The following HADHA variants were observed in gnomAD, a reference collection of about 807,000 sequenced individuals.
HADHA encodes hydroxyacyl-CoA dehydrogenase trifunctional multienzyme complex subunit alpha, also known as trifunctional enzyme subunit alpha, mitochondrial.
Under a neutral mutation model 91.3 loss-of-function variants are expected in HADHA, and 59 were observed. The observed-to-expected ratio is 0.65, with a 90% CI of 0.52 to 0.80. The LOEUF is 0.80. Among genes scored for constraint, HADHA ranks in the 30% least tolerant of loss-of-function variants. The probability of loss-of-function intolerance (pLI) is 0.00; values close to 1 mark genes in which losing one functional copy is unlikely to be tolerated. For missense variants in HADHA, 800 were observed against 927.6 expected, an observed-to-expected ratio of 0.86 and a Z score of 1.79; for synonymous variants, 320 against 338.9, an observed-to-expected ratio of 0.94 and a Z score of 0.61.
rs371718744 is a variant in HADHA at position 26,214,419 on chromosome 2, G to A, written c.918+24C>T. 9.5e-7 allele frequency: 1 copy of A among 1,047,882 alleles called. No homozygotes were observed. The highest frequency in any genetic ancestry group is 1.7e-5 in the Admixed American group (1 of 59,386). 64.9% of individuals were successfully genotyped at this position (1,047,882 alleles called of 1,614,324 possible). A position where few individuals can be genotyped will look rare whatever the true frequency, so the allele number is the denominator to read the frequency against. ...TATAAAGGAAGGAAATATGAGAAAA[G>A]TGGGAATATTGGGTAAGACTCACAT... On this transcript the variant is annotated intron_variant, in intron 9 of 19. Transcript: ENST00000380649. The surrounding 1 kb of genome is among the most constrained non-coding windows in gnomAD (Gnocchi z 4.1).
chr2:26,234,689 C>T (rs538750629), intron 4 of HADHA, among the ~76,000 whole-genome samples: 69 of 151,404 alleles, frequency 4.6e-4, no homozygotes, highest in African/African-American at 1.5e-3. Context: ...CAGTGTGAAA[C>T]CGGGAGGTGG....
intron 12 of HADHA, among the ~76,000 whole-genome samples, chr2:26,201,894 C>T (rs1669853155): frequency 6.6e-6 from 1 of 151,490 alleles, no homozygotes. Context: ...CTCCTGGGTT[C>T]AAGCAATTCT....
At chr2:26,200,153 A>G (rs770952923) in intron 13 of HADHA, among the ~76,000 whole-genome samples, 23 of 152,002 alleles carry the variant, frequency 1.5e-4, no homozygotes, top group Non-Finnish European at 2.5e-4. Flanking sequence ...TTGTTTGTTT[A>G]TTTATTTATT....
chr2:26,192,169 G>C (rs1244827087), intron 18 of HADHA, 141 bp downstream of exon 18: 2 of 637,462 alleles, frequency 3.1e-6, no homozygotes, highest in Non-Finnish European at 5.6e-6. Context: ...ACCATGGCAC[G>C]TGTATACCTA....
intron 4 of HADHA, among the ~76,000 whole-genome samples, chr2:26,236,598 G>A (rs1328436237): frequency 6.6e-6 from 1 of 151,400 alleles, no homozygotes; most frequent in South Asian, 2.1e-4. Context: ...TATTTTTAGT[G>A]GAGACAGGGT....
chr2:26,213,238 T>G (rs777743930), intron 9 of HADHA, among the ~76,000 whole-genome samples: 4 of 152,240 alleles, frequency 2.6e-5, no homozygotes, highest in Non-Finnish European at 4.4e-5. Flanking sequence ...GCAAGCCTGT[T>G]GCTGCTTTCC....
chr2:26,203,217 T>C (rs1353382142), intron 12 of HADHA, among the ~76,000 whole-genome samples: 2 of 152,254 alleles, frequency 1.3e-5, no homozygotes, highest in African/African-American at 4.8e-5. Flanking sequence ...CAGCAATATG[T>C]GAGCTTCTCT....
chr2:26,213,211 C>T (rs1337813669), intron 9 of HADHA, among the ~76,000 whole-genome samples: 3 of 152,208 alleles, frequency 2.0e-5, no homozygotes, highest in Non-Finnish European at 4.4e-5. Context: ...CTGAACCTAA[C>T]TCATAACCTC....
chr2:26,203,072 T>C (rs1479643960), intron 12 of HADHA, among the ~76,000 whole-genome samples: 3 of 152,342 alleles, frequency 2.0e-5, no homozygotes, highest in East Asian at 1.9e-4. Flanking sequence ...TTTGGGATGC[T>C]TGCATGCTAG....
chr2:26,193,293 C>CTTTTTTTT (rs370942158), intron 17 of HADHA, among the ~76,000 whole-genome samples: 1 of 115,166 alleles, frequency 8.7e-6, no homozygotes, highest in Non-Finnish European at 1.7e-5. Flanking sequence ...CACATGACAT[C>CTTTTTTTT]TTTTTTTTTT....
chr2:26,208,284 CTT>C (rs980084083), intron 11 of HADHA, among the ~76,000 whole-genome samples: 23 of 152,158 alleles, frequency 1.5e-4, no homozygotes, highest in African/African-American at 5.3e-4. Context: ...CTCATTTTCT[CTT>C]TTTTTCTTAT....
At chr2:26,212,742 C>T in intron 9 of HADHA, 116 bp from the exon 10 acceptor site, 2 of 776,880 alleles carry the variant, frequency 2.6e-6, no homozygotes, top group Non-Finnish European at 4.7e-6. Context: ...AAAGTCTAGA[C>T]TGGAATGAGA....
intron 14 of HADHA, among the ~76,000 whole-genome samples, chr2:26,197,238 T>C (rs1669699955): frequency 6.6e-6 from 1 of 152,184 alleles, no homozygotes; most frequent in African/African-American, 2.4e-5. Context: ...AAAGTGCTTC[T>C]ATACCCAGCC....
chr2:26,227,143 G>A (rs1395117239), intron 7 of HADHA, among the ~76,000 whole-genome samples: 1 of 152,164 alleles, frequency 6.6e-6, no homozygotes, highest in Non-Finnish European at 1.5e-5. Flanking sequence ...TTGAACAGAT[G>A]CTTCTTTATC....
intron 6 of HADHA, among the ~76,000 whole-genome samples, chr2:26,231,167 T>G (rs1574623549): frequency 1.3e-5 from 2 of 152,224 alleles, no homozygotes; most frequent in Admixed American, 6.5e-5. Context: ...TGCATATTCA[T>G]TCTTTCAATA....
intron 1 of HADHA, among the ~76,000 whole-genome samples, chr2:26,242,552 C>CCAGG (rs35388782): frequency 0.6 from 91,384 of 151,622 alleles, 29,168 homozygotes; most frequent in Non-Finnish European, 0.72. Flanking sequence ...CGTATTTCTT[C>CCAGG]CAGGCTGGAG....
chr2:26,235,690 G>A (rs559842306), intron 4 of HADHA, among the ~76,000 whole-genome samples: 1 of 152,246 alleles, frequency 6.6e-6, no homozygotes, highest in East Asian at 1.9e-4. Context: ...TACACTTTCA[G>A]TACAAATTAC....
rs779324271 is a variant in HADHA, at chr2:26,194,580, C to A, written c.1679G>T (p.Arg560Leu). 6.2e-7 allele frequency: 1 copy of A among 1,605,220 alleles called. No individual in the cohort carries two copies. Among genetic ancestry groups the A allele is most frequent in the South Asian group, 1.1e-5 (1 of 90,890 alleles). Residue 560 changes from arginine to leucine, a missense_variant, in exon 16 of 20, where the codon CGA becomes CTA. Arg to Leu is a moderately radical substitution (Grantham distance 102, BLOSUM62 -2). Transcript: ENST00000380649. ...CLAPMMSEVI[R>L]ILQEGVDPKK... is the part of the protein sequence containing the mutation. ...GAGAGCAATACCAACCTGGAGGATT[C>A]GGATGACTTCAGACATCATGGGCGC...
chr2:26,239,729 A>G (rs1670846828), intron 1 of HADHA, among the ~76,000 whole-genome samples: 1 of 152,148 alleles, frequency 6.6e-6, no homozygotes, highest in Non-Finnish European at 1.5e-5. Context: ...CACATTAAAA[A>G]AAAAAAAAGA....
Sources: gnomAD v4.1 joint callset for allele counts (sites outside exome capture counted in the v4.1 genomes callset) on GRCh38, gnomAD v4.1.1 for gene constraint, Gnocchi (gnomAD v3.1) non-coding constraint, MANE v1.5 for transcripts, NCBI Gene and HGNC (gene_info 2026-07-23, HGNC 2026-07-21) for gene names.